Variants in EYA2 observed in about 807,000 individuals in gnomAD.
EYA2 encodes EYA transcriptional coactivator and phosphatase 2.
Under a neutral mutation model 69.2 loss-of-function variants are expected in EYA2, and 31 were observed. That is an observed-to-expected ratio of 0.45 (90% CI 0.34 to 0.60). EYA2 has a LOEUF of 0.60. Ranked by LOEUF, EYA2 falls within the 20% of genes least tolerant of loss-of-function variation. EYA2 has a pLI of 0.02. For missense variants in EYA2, 622 were observed against 701.2 expected, an observed-to-expected ratio of 0.89 and a Z score of 1.28; for synonymous variants, 257 against 279.4, an observed-to-expected ratio of 0.92 and a Z score of 0.80.
At chr20:47,091,455 C>T (rs190216417) in intron 8 of EYA2, among the ~76,000 whole-genome samples, 161 of 152,084 alleles carry the variant, frequency 1.1e-3, no homozygotes, top group African/African-American at 3.8e-3. Context: ...AAACCAGTAC[C>T]GGGCCCAGCA....
At position 47,016,954 on chromosome 20, in the gene EYA2, G is replaced by T. The variant is rs111408443; in HGVS notation, c.415+657G>T. ...TGTAGAGACTCAGAAATGTCGGGTG[G>T]TGGAAATATTGGACAGTCGGGTGAA... On this transcript the variant is annotated intron_variant, in intron 5 of 15. Transcript: ENST00000327619. Among the ~76,000 whole-genome samples the T allele has an allele frequency of 6.5e-3, 995 of 152,324 alleles. 11 individuals carry two copies. The highest frequency in any genetic ancestry group is 0.023 in the African/African-American group (939 of 41,548).
chr20:47,057,926 G>A (rs2030712419), intron 5 of EYA2, among the ~76,000 whole-genome samples: 1 of 152,210 alleles, frequency 6.6e-6, no homozygotes, highest in Non-Finnish European at 1.5e-5. Flanking sequence ...AGGAGGGCCT[G>A]CTTCCTAGGG....
chr20:46,907,945 G>A (rs1429002707), intron 1 of EYA2, among the ~76,000 whole-genome samples: 1 of 152,174 alleles, frequency 6.6e-6, no homozygotes, highest in East Asian at 1.9e-4. Context: ...TTTATTTCTT[G>A]TTCCCTTCTT....
chr20:47,007,585 C>A (rs890587075), intron 4 of EYA2, among the ~76,000 whole-genome samples: 3 of 152,004 alleles, frequency 2.0e-5, no homozygotes, highest in African/African-American at 7.2e-5. Context: ...TAATAGGATG[C>A]AACTTAGGTG....
chr20:46,916,946 T>C (rs571848754), intron 1 of EYA2, among the ~76,000 whole-genome samples: 1 of 152,344 alleles, frequency 6.6e-6, no homozygotes, highest in South Asian at 2.1e-4. Context: ...ACCTATAAAA[T>C]ACATAAATTA....
chr20:47,129,943 G>A lies in EYA2; in HGVS notation c.889-13116G>A, dbSNP rs181567602. Among the ~76,000 whole-genome samples, 16 of 152,186 alleles carry A rather than the reference G, an allele frequency of 1.1e-4. 1 individual carries two copies. Among genetic ancestry groups the A allele is most frequent in the African/African-American group, 2.9e-4 (12 of 41,520 alleles). On this transcript the variant is annotated intron_variant, in intron 9 of 15. Coordinates refer to ENST00000327619, the MANE Select transcript of EYA2 (RefSeq NM_005244.5). ...AGAAATCAGGCAATTGGGGTATAAG[G>A]ACCAGGTGAAGTGCTAGAGCCCTCA...
chr20:47,058,509 C>G (rs1471073006), intron 5 of EYA2, among the ~76,000 whole-genome samples: 1 of 152,188 alleles, frequency 6.6e-6, no homozygotes, highest in Non-Finnish European at 1.5e-5. Flanking sequence ...AGAGGCCATA[C>G]TGGTGCTGAC....
intron 10 of EYA2, among the ~76,000 whole-genome samples, chr20:47,156,418 C>T (rs905669018): frequency 5.3e-5 from 8 of 151,572 alleles, no homozygotes; most frequent in East Asian, 2.0e-4. Flanking sequence ...CCTAGCCTGA[C>T]GCAGGAATGG....
intron 9 of EYA2, among the ~76,000 whole-genome samples, chr20:47,115,938 C>CGG (rs1315100846): frequency 3.9e-5 from 6 of 152,202 alleles, no homozygotes; most frequent in Non-Finnish European, 8.8e-5. Flanking sequence ...CTTCCCACCA[C>CGG]AGGGCCTTTG....
At chr20:47,171,378 C>G (rs1031475387) in intron 11 of EYA2, among the ~76,000 whole-genome samples, 1 of 152,064 alleles carries the variant, frequency 6.6e-6, no homozygotes, top group Non-Finnish European at 1.5e-5. Flanking sequence ...TGAAATGCCT[C>G]TTGTTTGTTT....
At chr20:46,990,604 G>C (rs1308660355) in intron 2 of EYA2, among the ~76,000 whole-genome samples, 5 of 152,232 alleles carry the variant, frequency 3.3e-5, no homozygotes, top group African/African-American at 1.2e-4. Context: ...AATTAAAGTT[G>C]TTTAAAAAAC....
chr20:47,157,353 C>CAAAAAAA (rs57425490), intron 10 of EYA2, among the ~76,000 whole-genome samples: 1 of 60,772 alleles, frequency 1.6e-5, no homozygotes, highest in African/African-American at 5.8e-5. Context: ...GACTCCGTCT[C>CAAAAAAA]AAAAAAAAAA....
chr20:47,072,277 T>G (rs750942597), intron 6 of EYA2, 25 bp downstream of exon 6: 5 of 1,595,000 alleles, frequency 3.1e-6, no homozygotes, highest in African/African-American at 1.3e-5. Context: ...CTCCCGATTC[T>G]TTCCTCAGTT....
At chr20:47,041,026 G>A (rs1449990968) in intron 5 of EYA2, among the ~76,000 whole-genome samples, 2 of 152,172 alleles carry the variant, frequency 1.3e-5, no homozygotes, top group Non-Finnish European at 2.9e-5. Flanking sequence ...AGCAGGTAAG[G>A]AGCTTAGGCC....
chr20:47,122,358 A>G lies in EYA2; in HGVS notation c.889-20701A>G, dbSNP rs1478940194. Among the ~76,000 whole-genome samples, 9 of 136,736 alleles carry G rather than the reference A, an allele frequency of 6.6e-5. 1 individual carries two copies. The East Asian group carries it at 1.9e-3, about 29-fold the overall frequency. 89.7% of individuals were successfully genotyped at this position (136,736 alleles called of 152,430 possible). A position where few individuals can be genotyped will look rare whatever the true frequency, so the allele number is the denominator to read the frequency against. ...GCCTAGGCTGGAGTGCAGTGGCACG[A>G]TCTCAGCTCACTGCAAGCTCTGCCT... On this transcript the variant is annotated intron_variant, in intron 9 of 15. Coordinates refer to ENST00000327619, the MANE Select transcript of EYA2 (RefSeq NM_005244.5).
In EYA2 at chr20:47,186,002, G is replaced by T. The variant is rs369723970; in HGVS notation, c.1537-2051G>T. ...TTTGCACTTGCTGTGTCTTCTACCT[G>T]CCCCCACGTTCCCCCACATCTTTGC... On this transcript the variant is annotated intron_variant, in intron 15 of 15. Transcript: ENST00000327619. Among the ~76,000 whole-genome samples, 83 of 152,120 alleles carry T rather than the reference G, an allele frequency of 5.5e-4. 1 individual carries two copies. In the South Asian group the frequency reaches 0.017, roughly 30 times the overall value.
At chr20:46,896,440 GGAGA>G (rs1983817916) in intron 1 of EYA2, among the ~76,000 whole-genome samples, 1 of 151,636 alleles carries the variant, frequency 6.6e-6, no homozygotes, top group Non-Finnish European at 1.5e-5. Context: ...AAGAGTGGGA[GGAGA>G]GAACCTCTTT....
At position 47,158,022 on chromosome 20, in the gene EYA2, C is replaced by T. The variant is rs370560846; in HGVS notation, c.979-11117C>T. On this transcript the variant is annotated intron_variant, in intron 10 of 15. Coordinates refer to ENST00000327619, the MANE Select transcript of EYA2 (RefSeq NM_005244.5). ...CGCTGCTGAAGTTGGAAGGCCCCTG[C>T]GATCCCAGCACCTACCTTCATCCAT... 1.2e-4 allele frequency among the ~76,000 whole-genome samples: 18 copies of T among 152,082 alleles called. No individual in the cohort carries two copies. The East Asian group carries it at 2.0e-3, about 17-fold the overall frequency.
chr20:46,978,452 G>T (rs2015638055), intron 1 of EYA2: 1 of 416,404 alleles, frequency 2.4e-6, no homozygotes, highest in Non-Finnish European at 5.0e-6. Context: ...AGGGACTGGA[G>T]TTCCAGGCAG....
Sources: gnomAD v4.1 joint callset for allele counts (sites outside exome capture counted in the v4.1 genomes callset) on GRCh38, gnomAD v4.1.1 for gene constraint, MANE v1.5 for transcripts, NCBI Gene and HGNC (gene_info 2026-07-23, HGNC 2026-07-21) for gene names.